FUT8: variants seen among roughly 807,000 people sequenced by gnomAD.
FUT8 encodes fucosyltransferase 8.
A neutral mutation model predicts 71.3 loss-of-function variants in FUT8; 29 were observed. The ratio of observed to expected loss-of-function variants is 0.41; its 90% CI spans 0.30 to 0.55. The LOEUF is 0.55. Ranked by LOEUF, FUT8 falls within the 20% of genes least tolerant of loss-of-function variation. FUT8 has a pLI of 0.34. For synonymous variants in FUT8, 254 were observed against 239.3 expected, an observed-to-expected ratio of 1.06 and a Z score of -0.57; for missense variants, 544 against 702.1, an observed-to-expected ratio of 0.77 and a Z score of 2.55.
At chr14:65,725,026 A>G (rs1895608634) in intron 9 of FUT8, among the ~76,000 whole-genome samples, 2 of 152,250 alleles carry the variant, frequency 1.3e-5, no homozygotes, top group South Asian at 2.1e-4. Context: ...ACAGACTGTT[A>G]GCAATAAAAC....
chr14:65,505,575 G>A (rs1566789945), intron 2 of FUT8, among the ~76,000 whole-genome samples: 1 of 152,058 alleles, frequency 6.6e-6, no homozygotes, highest in African/African-American at 2.4e-5. Context: ...GCCTCCCAAA[G>A]TGCTGGGATT....
At position 65,472,731 on chromosome 14, in the gene FUT8, T is replaced by C. The variant is rs2139642009; in HGVS notation, c.-228+17013T>C. On this transcript the variant is annotated intron_variant, in intron 2 of 10. Transcript: ENST00000673929. This position sits in a 1 kb window ranked among gnomAD's most constrained non-coding sequence, Gnocchi z 4.4. Reference sequence around the variant, plus strand: ...CAATTAATTTGATGACTCATTTACATTGAATTTCTTAATTAGTAGATTGCC... The same window carrying C: ...CAATTAATTTGATGACTCATTTACACTGAATTTCTTAATTAGTAGATTGCC... Among the ~76,000 whole-genome samples, 1 of 152,290 alleles carries C rather than the reference T, an allele frequency of 6.6e-6. No homozygotes were observed. Among genetic ancestry groups the C allele is most frequent in the South Asian group, 2.1e-4 (1 of 4,826 alleles).
chr14:65,512,920 A>AAG (rs1555366747), intron 2 of FUT8, among the ~76,000 whole-genome samples: 4 of 151,560 alleles, frequency 2.6e-5, no homozygotes, highest in Non-Finnish European at 4.4e-5. Flanking sequence ...AAAAAAAAAA[A>AAG]AAAAAGAAAA....
intron 3 of FUT8, among the ~76,000 whole-genome samples, chr14:65,591,840 C>CT (rs372894220): frequency 0.038 from 4,567 of 120,004 alleles, 161 homozygotes; most frequent in African/African-American, 0.1. Context: ...TTGAAGCAGG[C>CT]TTTTTTTTTT....
chr14:65,529,563 A>G (rs1202867507), intron 2 of FUT8: 1 of 151,338 alleles, frequency 6.6e-6, no homozygotes, highest in Non-Finnish European at 1.5e-5. Flanking sequence ...CCCTTACCTT[A>G]CTCTTGGGCA....
Position 65,743,318 on chromosome 14 carries a change from C to T in FUT8, c.*908C>T, listed in dbSNP as rs926052384. The T allele has an allele frequency of 4.0e-5, 6 of 151,740 alleles. No individual in the cohort carries two copies. Among genetic ancestry groups the T allele is most frequent in the Admixed American group, 2.6e-4 (4 of 15,218 alleles). 9.4% of individuals were successfully genotyped at this position (151,740 alleles called of 1,614,324 possible). A position where few individuals can be genotyped will look rare whatever the true frequency, so the allele number is the denominator to read the frequency against. On this transcript the variant is annotated 3_prime_UTR_variant, in exon 11 of 11. Transcript: ENST00000673929. ...TCAGAGACATTGGTCCATTTTAATACTGAAAACCAATTTTCATTGGTACAC... is the reference window on the plus strand; with the variant it reads ...TCAGAGACATTGGTCCATTTTAATATTGAAAACCAATTTTCATTGGTACAC...
intron 2 of FUT8, among the ~76,000 whole-genome samples, chr14:65,490,571 T>A (rs552877519): frequency 2.8e-4 from 42 of 152,272 alleles, no homozygotes; most frequent in African/African-American, 1.0e-3. Context: ...TTCTTCAAAT[T>A]TTACTCTACT....
At chr14:65,567,144 G>T (rs1201610455) in intron 3 of FUT8, among the ~76,000 whole-genome samples, 1 of 151,960 alleles carries the variant, frequency 6.6e-6, no homozygotes, top group Non-Finnish European at 1.5e-5. Flanking sequence ...TTCAAATGTG[G>T]CTTTTGGCCT....
chr14:65,588,237 A>G lies in FUT8; in HGVS notation c.203+26471A>G, dbSNP rs550972497. ...AGCCATATAAAATAAGTTCATTTTT[A>G]CTGAATGTGGCATGCTCTTTCACAC... On this transcript the variant is annotated intron_variant, in intron 3 of 10. Coordinates refer to ENST00000673929, the MANE Select transcript of FUT8 (RefSeq NM_001371533.1). 3.5e-3 allele frequency among the ~76,000 whole-genome samples: 529 copies of G among 152,218 alleles called. 2 individuals carry two copies. The highest frequency in any genetic ancestry group is 0.012 in the African/African-American group (502 of 41,524).
chr14:65,634,099 A>G (rs558996379), intron 6 of FUT8, among the ~76,000 whole-genome samples: 6 of 152,272 alleles, frequency 3.9e-5, no homozygotes, highest in Middle Eastern at 3.4e-3. Flanking sequence ...CATGATGACA[A>G]TGGCGGTTTT....
In FUT8 at chr14:65,693,424, G is replaced by GC. The variant is rs374208761; in HGVS notation, c.835+23945dup. Among the ~76,000 whole-genome samples the GC allele has an allele frequency of 2.3e-3, 344 of 152,328 alleles. 4 individuals carry two copies. Among genetic ancestry groups the GC allele is most frequent in the African/African-American group, 8.0e-3 (331 of 41,570 alleles). On this transcript the variant is annotated intron_variant, in intron 7 of 10. Transcript: ENST00000673929. ...CGGCAGGCTGAGGCAGGAGAATCAG[G>GC]CAGGGAGGTTGCAGTGAGCCGAGAC...
At chr14:65,610,288 A>G (rs946820052) in intron 3 of FUT8, among the ~76,000 whole-genome samples, 5 of 151,344 alleles carry the variant, frequency 3.3e-5, no homozygotes, top group Non-Finnish European at 5.9e-5. Context: ...TAGGGGCAAT[A>G]TATTTATGCT....
At chr14:65,390,741 TGAGA>T in the FUT8 span, among the ~76,000 whole-genome samples, 1 of 151,162 alleles carries the variant, frequency 6.6e-6, no homozygotes, top group African/African-American at 2.4e-5. Context: ...TTTTTTTTTT[TGAGA>T]TGGAGTCTCG....
chr14:65,535,484 A>G (rs1473377668), intron 2 of FUT8, among the ~76,000 whole-genome samples: 2 of 152,150 alleles, frequency 1.3e-5, no homozygotes, highest in African/African-American at 4.8e-5. Flanking sequence ...GATGCTGGGT[A>G]TGTTGTATCT....
At chr14:65,592,822 A>T (rs888006220) in intron 3 of FUT8, among the ~76,000 whole-genome samples, 1 of 152,142 alleles carries the variant, frequency 6.6e-6, no homozygotes, top group African/African-American at 2.4e-5. Flanking sequence ...TTTGTGGAAG[A>T]TACTCCTCTC....
chr14:65,558,263 T>C (rs1330026547), intron 2 of FUT8, among the ~76,000 whole-genome samples: 1 of 142,674 alleles, frequency 7.0e-6, no homozygotes, highest in Admixed American at 7.3e-5. Flanking sequence ...ACCCTGGAGG[T>C]GGAAGTTGTA....
upstream of FUT8, chr14:65,411,811 T>G: frequency 1.8e-5 from 6 of 339,824 alleles, no homozygotes; most frequent in South Asian, 1.3e-4. Context: ...CGGCTCGCAC[T>G]CCACTCACGC....
the FUT8 span, among the ~76,000 whole-genome samples, chr14:65,371,814 G>A: frequency 1.3e-5 from 2 of 152,140 alleles, no homozygotes; most frequent in East Asian, 3.8e-4. Flanking sequence ...GAACAATTAA[G>A]TTTAGAAGCC....
At chr14:65,562,908 A>G (rs181879547) in intron 3 of FUT8, among the ~76,000 whole-genome samples, 1 of 152,046 alleles carries the variant, frequency 6.6e-6, no homozygotes, top group African/African-American at 2.4e-5. Flanking sequence ...GAGGATGCCC[A>G]TGGTGCTCTC....
Sources: gnomAD v4.1 joint callset for allele counts (sites outside exome capture counted in the v4.1 genomes callset) on GRCh38, gnomAD v4.1.1 for gene constraint, Gnocchi (gnomAD v3.1) non-coding constraint, MANE v1.5 for transcripts, NCBI Gene and HGNC (gene_info 2026-07-23, HGNC 2026-07-21) for gene names.